Variants in DPYD observed in about 807,000 individuals in gnomAD.
DPYD encodes dihydropyrimidine dehydrogenase, also known as dihydropyrimidine dehydrogenase [NADP(+)].
DPYD carries 109 observed loss-of-function variants against 116.2 expected under a neutral mutation model. The observed-to-expected ratio is 0.94, with a 90% CI of 0.80 to 1.10. The LOEUF (loss-of-function observed/expected upper bound fraction) is 1.10. DPYD is among the 50% of genes least tolerant of loss of function. The pLI, the probability that DPYD is intolerant of heterozygous loss-of-function variation, is 0.00. For missense variants in DPYD, 1,302 were observed against 1,254.5 expected, an observed-to-expected ratio of 1.04 and a Z score of -0.57; for synonymous variants, 440 against 432.0, an observed-to-expected ratio of 1.02 and a Z score of -0.23.
intron 16 of DPYD, among the ~76,000 whole-genome samples, chr1:97,372,829 C>G (rs142067793): frequency 2.0e-5 from 3 of 152,014 alleles, no homozygotes; most frequent in Admixed American, 1.3e-4. Flanking sequence ...CTAGACAATC[C>G]GTCAGAAATT....
intron 13 of DPYD, among the ~76,000 whole-genome samples, chr1:97,494,865 C>A (rs1332277395): frequency 6.6e-6 from 1 of 152,080 alleles, no homozygotes; most frequent in African/African-American, 2.4e-5. Context: ...GAATTGTATT[C>A]TCAAAAGTCA....
At chr1:97,189,212 C>A (rs1032838842) in intron 20 of DPYD, among the ~76,000 whole-genome samples, 4 of 152,082 alleles carry the variant, frequency 2.6e-5, no homozygotes, top group African/African-American at 9.7e-5. Flanking sequence ...TACAAAAATA[C>A]AACTGCGATG....
chr1:97,838,091 CT>C (rs1669856191), intron 2 of DPYD, among the ~76,000 whole-genome samples: 1 of 152,090 alleles, frequency 6.6e-6, no homozygotes, highest in African/African-American at 2.4e-5. Flanking sequence ...TTTATTTTCT[CT>C]GGTTAAACAG....
At chr1:97,345,979 G>T (rs1669820527) in intron 16 of DPYD, among the ~76,000 whole-genome samples, 1 of 151,758 alleles carries the variant, frequency 6.6e-6, no homozygotes, top group African/African-American at 2.4e-5. Context: ...AAATGCAAAA[G>T]AATATTTATA....
At chr1:97,860,213 C>G (rs1224885444) in intron 2 of DPYD, among the ~76,000 whole-genome samples, 1 of 152,036 alleles carries the variant, frequency 6.6e-6, no homozygotes, top group East Asian at 1.9e-4. Context: ...TGTGGTGATG[C>G]ACTCCTATAG....
At chr1:97,398,311 G>A (rs1476481519) in intron 14 of DPYD, among the ~76,000 whole-genome samples, 1 of 152,150 alleles carries the variant, frequency 6.6e-6, no homozygotes, top group Non-Finnish European at 1.5e-5. Context: ...ATTGCATGGT[G>A]TATATGTTCC....
intron 12 of DPYD, among the ~76,000 whole-genome samples, chr1:97,533,958 C>A (rs563581126): frequency 1.3e-5 from 2 of 152,152 alleles, no homozygotes; most frequent in Non-Finnish European, 2.9e-5. Flanking sequence ...CTCTACCCCA[C>A]CATCAAACAC....
At chr1:97,575,833 C>T (rs1653226583) in intron 10 of DPYD, among the ~76,000 whole-genome samples, 1 of 152,168 alleles carries the variant, frequency 6.6e-6, no homozygotes. Flanking sequence ...CTTAAAACAA[C>T]TCCAAAATGT....
At chr1:97,563,204 C>T (rs1356483143) in intron 11 of DPYD, among the ~76,000 whole-genome samples, 2 of 152,148 alleles carry the variant, frequency 1.3e-5, no homozygotes, top group Admixed American at 1.3e-4. Flanking sequence ...AATCTTACAT[C>T]TTGATTTTAC....
At chr1:97,776,073 G>A (rs925515408) in intron 3 of DPYD, among the ~76,000 whole-genome samples, 3 of 152,080 alleles carry the variant, frequency 2.0e-5, no homozygotes, top group South Asian at 2.1e-4. Context: ...CAAAAACATA[G>A]AATGAATAAG....
chr1:97,427,170 T>C (rs1208765411), intron 14 of DPYD, among the ~76,000 whole-genome samples: 1 of 152,110 alleles, frequency 6.6e-6, no homozygotes, highest in African/African-American at 2.4e-5. Flanking sequence ...TATCCAAAGA[T>C]TTATCTTTTA....
intron 18 of DPYD, among the ~76,000 whole-genome samples, chr1:97,264,164 T>C (rs1273869147): frequency 4.1e-4 from 14 of 34,532 alleles, no homozygotes; most frequent in Admixed American, 3.2e-3. Flanking sequence ...AAAATTCTGT[T>C]TTTTTTTTTT....
intron 3 of DPYD, among the ~76,000 whole-genome samples, chr1:97,746,935 GGT>G (rs1479422463): frequency 6.6e-6 from 1 of 151,254 alleles, no homozygotes; most frequent in Non-Finnish European, 1.5e-5. Flanking sequence ...TGTTGTTAGT[GGT>G]GTGTGTTTTT....
At chr1:97,889,028 G>A (rs1042999058) in intron 1 of DPYD, among the ~76,000 whole-genome samples, 5 of 151,888 alleles carry the variant, frequency 3.3e-5, no homozygotes, top group African/African-American at 1.2e-4. Context: ...ATGGTCGTGG[G>A]TGCCTGTAAT....
intron 14 of DPYD, among the ~76,000 whole-genome samples, chr1:97,403,732 G>T (rs1020924983): frequency 1.1e-4 from 16 of 151,698 alleles, no homozygotes; most frequent in African/African-American, 3.9e-4. Flanking sequence ...TATCAATTTT[G>T]TTGACTTTTT....
intron 19 of DPYD, among the ~76,000 whole-genome samples, chr1:97,228,720 C>T (rs1303725627): frequency 1.3e-5 from 2 of 152,134 alleles, no homozygotes; most frequent in African/African-American, 4.8e-5. Flanking sequence ...TGTTGGTACA[C>T]ATTTCACTTG....
At position 97,746,081 on chromosome 1, in the gene DPYD, C is replaced by G. The variant is rs1365829393; in HGVS notation, c.234-5602G>C. Reference sequence around the variant, plus strand: ...TCCAGATGAAAAGGTTGGAGTTTTACAGTATCACATAGTTTTGAAGGCTTA... The same window carrying G: ...TCCAGATGAAAAGGTTGGAGTTTTAGAGTATCACATAGTTTTGAAGGCTTA... On this transcript the variant is annotated intron_variant, in intron 3 of 22. Coordinates refer to ENST00000370192, the MANE Select transcript of DPYD (RefSeq NM_000110.4). Among the ~76,000 whole-genome samples, 3 of 152,170 alleles carry G rather than the reference C, an allele frequency of 2.0e-5. No homozygotes were observed. The South Asian group carries it at 6.2e-4, about 32-fold the overall frequency.
intron 2 of DPYD, among the ~76,000 whole-genome samples, chr1:97,848,098 T>C (rs1298111377): frequency 1.3e-5 from 2 of 151,818 alleles, no homozygotes; most frequent in African/African-American, 4.8e-5. Flanking sequence ...CAAGAGAAAA[T>C]ATCACTTCTT....
chr1:97,099,059 C>T (rs1027561026), intron 20 of DPYD, among the ~76,000 whole-genome samples: 1 of 151,988 alleles, frequency 6.6e-6, no homozygotes, highest in African/African-American at 2.4e-5. Context: ...AGTTGTAGTC[C>T]CTGACAAATG....
Sources: gnomAD v4.1 joint callset for allele counts (sites outside exome capture counted in the v4.1 genomes callset) on GRCh38, gnomAD v4.1.1 for gene constraint, MANE v1.5 for transcripts, NCBI Gene and HGNC (gene_info 2026-07-23, HGNC 2026-07-21) for gene names.